PELI1: variants seen among roughly 807,000 people sequenced by gnomAD.
PELI1 encodes the protein pellino E3 ubiquitin protein ligase 1.
A neutral mutation model predicts 41.3 loss-of-function variants in PELI1; 15 were observed. The observed-to-expected ratio is 0.36, with a 90% confidence interval of 0.24 to 0.56. The LOEUF (loss-of-function observed/expected upper bound fraction) is 0.56, where lower values mean the gene tolerates loss of function less well. Ranked by LOEUF, PELI1 falls within the 20% of genes least tolerant of loss-of-function variation. PELI1 has a pLI of 0.82. For missense variants in PELI1, 403 were observed against 525.5 expected (o/e 0.77, Z 2.28); for synonymous variants, 178 against 180.1 (o/e 0.99, Z 0.09).
At chr2:64,133,448 A>ATT (rs1012891826) in intron 1 of PELI1, among the ~76,000 whole-genome samples, 16 of 152,084 alleles carry the variant, frequency 1.1e-4, no homozygotes, top group African/African-American at 3.9e-4. Flanking sequence ...CAGAATGGCA[A>ATT]TTATATATAT....
intron 1 of PELI1, among the ~76,000 whole-genome samples, chr2:64,134,500 T>C (rs1302844294): frequency 7.2e-5 from 11 of 152,136 alleles, no homozygotes; most frequent in Admixed American, 7.2e-4. Flanking sequence ...TTTTGATACA[T>C]AAGGTATGTC....
At chr2:64,125,303 C>T (rs187248704) in intron 1 of PELI1, among the ~76,000 whole-genome samples, 9 of 152,200 alleles carry the variant, frequency 5.9e-5, no homozygotes, top group Non-Finnish European at 1.0e-4. Flanking sequence ...TCTCAGGGCC[C>T]CACCCTAAGT....
At chr2:64,114,519 A>G (rs1454695744) in intron 1 of PELI1, among the ~76,000 whole-genome samples, 1 of 152,228 alleles carries the variant, frequency 6.6e-6, no homozygotes, top group East Asian at 1.9e-4. Flanking sequence ...CCCCTTCCCA[A>G]GATACAGGAC....
intron 1 of PELI1, among the ~76,000 whole-genome samples, chr2:64,112,814 A>G (rs1461735607): frequency 6.6e-6 from 1 of 152,220 alleles, no homozygotes; most frequent in Non-Finnish European, 1.5e-5. Flanking sequence ...ATGCTGTGAC[A>G]GCTATTCTTC....
At chr2:64,138,587 C>T (rs1045353896) in intron 1 of PELI1, among the ~76,000 whole-genome samples, 6 of 151,934 alleles carry the variant, frequency 3.9e-5, no homozygotes, top group Non-Finnish European at 1.5e-5. Context: ...CTCTACTGGG[C>T]GTGGTGGCGT....
intron 1 of PELI1, chr2:64,143,310 A>T (rs1056318443): frequency 6.6e-6 from 1 of 152,246 alleles, no homozygotes; most frequent in Non-Finnish European, 1.5e-5. Flanking sequence ...GAACTACGTA[A>T]CAATTACCTA....
intron 1 of PELI1, among the ~76,000 whole-genome samples, chr2:64,115,417 A>G (rs1680960284): frequency 6.6e-6 from 1 of 152,198 alleles, no homozygotes; most frequent in Non-Finnish European, 1.5e-5. Context: ...TTGAACTTGC[A>G]TAGAATGGTA....
chr2:64,119,944 C>G (rs907925454), intron 1 of PELI1, among the ~76,000 whole-genome samples: 1 of 152,020 alleles, frequency 6.6e-6, no homozygotes, highest in Non-Finnish European at 1.5e-5. Context: ...AAGAAAGAAG[C>G]CCCTTTAGCA....
chr2:64,117,683 T>C lies in PELI1; in HGVS notation c.-69-9304A>G, dbSNP rs537473210. Reference sequence around the variant, plus strand: ...ATAGAGAGAAATCATTATTAAAAGATGACAATTATTACTACTCTAATGAAA... The same window carrying C: ...ATAGAGAGAAATCATTATTAAAAGACGACAATTATTACTACTCTAATGAAA... On this transcript the variant is annotated intron_variant, in intron 1 of 6. Coordinates refer to ENST00000358912, the MANE Select transcript of PELI1 (RefSeq NM_020651.4). 3.3e-5 allele frequency among the ~76,000 whole-genome samples: 5 copies of C among 152,322 alleles called. No individual in the cohort carries two copies. The East Asian group carries it at 7.7e-4, about 24-fold the overall frequency.
At chr2:64,101,519 T>C (rs775014344) in intron 3 of PELI1, among the ~76,000 whole-genome samples, 45 of 152,142 alleles carry the variant, frequency 3.0e-4, no homozygotes, top group Admixed American at 2.6e-3. Flanking sequence ...GGGAAAAATC[T>C]AGTCATCACA....
At chr2:64,116,232 C>A (rs528594563) in intron 1 of PELI1, among the ~76,000 whole-genome samples, 65 of 152,300 alleles carry the variant, frequency 4.3e-4, no homozygotes, top group Non-Finnish European at 8.4e-4. Context: ...CTAGAAAATA[C>A]ATTTTTAAAC....
intron 1 of PELI1, among the ~76,000 whole-genome samples, chr2:64,140,810 A>AAAAAAAAC (rs1681884966): frequency 4.1e-5 from 6 of 147,122 alleles, no homozygotes; most frequent in African/African-American, 1.5e-4. Flanking sequence ...CAAACAAACA[A>AAAAAAAAC]AAAAAAACCT....
Position 64,139,612 on chromosome 2 carries a change from A to G in PELI1, c.-70+4469T>C, listed in dbSNP as rs548427225. On this transcript the variant is annotated intron_variant, in intron 1 of 6. Coordinates refer to ENST00000358912, the MANE Select transcript of PELI1 (RefSeq NM_020651.4). ...GCCCAGCCATTTTTCTTAAAACGCA[A>G]TGTATTTTATTTATTTTATGGTTTG... 2.6e-4 allele frequency among the ~76,000 whole-genome samples: 39 copies of G among 152,280 alleles called. 1 individual carries two copies. Among genetic ancestry groups the G allele is most frequent in the Admixed American group, 9.8e-4 (15 of 15,294 alleles).
rs374136708 is a variant in PELI1, at chr2:64,095,275, G to A, written c.691-7C>T. 6.4e-5 allele frequency: 102 copies of A among 1,601,468 alleles called. No individual in the cohort carries two copies. The African/African-American group carries it at 8.4e-4, about 13-fold the overall frequency. ...GATTGGTTTCAATTTCCACCTAGAG[G>A]AGACAAGAGTTGAAAAACATATTCA... On this transcript the variant is annotated splice_polypyrimidine_tract_variant and splice_region_variant and intron_variant, in intron 6 of 6. Coordinates refer to ENST00000358912, the MANE Select transcript of PELI1 (RefSeq NM_020651.4).
At position 64,094,510 on chromosome 2, in the gene PELI1, C is replaced by G. The variant is rs939988538; in HGVS notation, c.*192G>C. 6 of 501,842 alleles carry G rather than the reference C, an allele frequency of 1.2e-5. No individual in the cohort carries two copies. Among genetic ancestry groups the G allele is most frequent in the Non-Finnish European group, 1.8e-5 (5 of 285,410 alleles). 31.1% of individuals were successfully genotyped at this position (501,842 alleles called of 1,614,324 possible). A position where few individuals can be genotyped will look rare whatever the true frequency, so the allele number is the denominator to read the frequency against. On this transcript the variant is annotated 3_prime_UTR_variant, in exon 7 of 7. Coordinates refer to ENST00000358912, the MANE Select transcript of PELI1 (RefSeq NM_020651.4). ...TCAGAATTCAGAAGACTGATACTTT[C>G]AGAAATTCCTTTGCTTGAGTTTCCC...
chr2:64,140,591 G>C (rs981040381), intron 1 of PELI1, among the ~76,000 whole-genome samples: 1 of 151,726 alleles, frequency 6.6e-6, no homozygotes, highest in Non-Finnish European at 1.5e-5. Context: ...TTTATGTTTT[G>C]ATTACTTTTT....
chr2:64,102,730 G>T (rs1219038044), intron 3 of PELI1, among the ~76,000 whole-genome samples: 1 of 152,016 alleles, frequency 6.6e-6, no homozygotes, highest in South Asian at 2.1e-4. Context: ...GGCCTAGAAC[G>T]CAGGGTTTTA....
chr2:64,106,236 C>G (rs1040209564), intron 2 of PELI1: 16 of 152,176 alleles, frequency 1.1e-4, no homozygotes, highest in African/African-American at 3.9e-4. Context: ...TCCCACATTG[C>G]GTTCCTGTAG....
rs77685011 is a variant in PELI1, at chr2:64,114,037, T to A, written c.-69-5658A>T. 6.4e-4 allele frequency among the ~76,000 whole-genome samples: 98 copies of A among 152,248 alleles called. No individual in the cohort carries two copies. In the East Asian group the frequency reaches 0.018, roughly 28 times the overall value. On this transcript the variant is annotated intron_variant, in intron 1 of 6. Coordinates refer to ENST00000358912, the MANE Select transcript of PELI1 (RefSeq NM_020651.4). ...ACAAATCTTATGCAGATTGTTTACA[T>A]ATCTTCTGAGCACTTCTATTTTAGT...
Sources: gnomAD v4.1 joint callset for allele counts (sites outside exome capture counted in the v4.1 genomes callset) on GRCh38, gnomAD v4.1.1 for gene constraint, MANE v1.5 for transcripts, NCBI Gene and HGNC (gene_info 2026-07-23, HGNC 2026-07-21) for gene names.